The following MYO16 variants were observed in gnomAD, a reference collection of about 807,000 sequenced individuals.
MYO16 encodes unconventional myosin-XVI.
MYO16 carries 94 observed loss-of-function variants against 205.3 expected under a neutral mutation model. The observed-to-expected ratio is 0.46, with a 90% CI of 0.39 to 0.54. The LOEUF is 0.54. Ranked by LOEUF, MYO16 falls within the 20% of genes least tolerant of loss-of-function variation. The pLI is 0.00. For missense variants in MYO16, 2,315 were observed against 2,387.5 expected (o/e 0.97, Z 0.63); for synonymous variants, 988 against 954.0 (o/e 1.04, Z -0.66).
intron 9 of MYO16, among the ~76,000 whole-genome samples, chr13:108,838,455 G>GACCAGC (rs1187043899): frequency 6.6e-6 from 1 of 150,454 alleles, no homozygotes; most frequent in Non-Finnish European, 1.5e-5. Flanking sequence ...AGGAGTTTGA[G>GACCAGC]ACCAGCCTGG....
intron 1 of MYO16, among the ~76,000 whole-genome samples, chr13:108,649,687 A>T (rs1210880055): frequency 6.6e-6 from 1 of 152,232 alleles, no homozygotes; most frequent in Non-Finnish European, 1.5e-5. Flanking sequence ...TGGTATAATA[A>T]CAAACTTGTT....
chr13:108,753,370 C>CA (rs534466420), intron 4 of MYO16, among the ~76,000 whole-genome samples: 16 of 111,782 alleles, frequency 1.4e-4, no homozygotes, highest in African/African-American at 5.7e-4. Flanking sequence ...AACTCTGTGA[C>CA]AAAAAAAAAA....
intron 27 of MYO16, among the ~76,000 whole-genome samples, chr13:109,092,445 C>T (rs949825054): frequency 6.6e-6 from 1 of 152,112 alleles, no homozygotes; most frequent in African/African-American, 2.4e-5. Context: ...ATGGATGGAG[C>T]TGGAAGCCGT....
intron 31 of MYO16, among the ~76,000 whole-genome samples, chr13:109,129,461 G>C (rs157028): frequency 0.28 from 42,527 of 151,856 alleles, 6,359 homozygotes; most frequent in East Asian, 0.49. Flanking sequence ...ATTCTCCCCC[G>C]GTGCCACATA....
chr13:108,630,083 C>A (rs1879907542), intron 1 of MYO16, among the ~76,000 whole-genome samples: 1 of 149,992 alleles, frequency 6.7e-6, no homozygotes. Flanking sequence ...ATGCTAATAG[C>A]ACAGAGATCT....
At chr13:108,636,353 T>G (rs1452499251) in intron 1 of MYO16, among the ~76,000 whole-genome samples, 59 of 24,090 alleles carry the variant, frequency 2.4e-3, no homozygotes, top group African/African-American at 0.01. Flanking sequence ...TCCCTTTTTT[T>G]TTTTTTTTTT....
rs776116498 is a variant in MYO16 at position 108,724,314 on chromosome 13, C to T, written c.364-3126C>T. On this transcript the variant is annotated intron_variant, in intron 3 of 34. Transcript: ENST00000457511. ...TTGGCTTCTTATTCATTCCTTTTTGCCATGGCTAGTACTGCCAGTGGAATG... is the reference window on the plus strand; with the variant it reads ...TTGGCTTCTTATTCATTCCTTTTTGTCATGGCTAGTACTGCCAGTGGAATG... Among the ~76,000 whole-genome samples the T allele has an allele frequency of 3.5e-4, 53 of 152,132 alleles. 1 individual carries two copies. Among genetic ancestry groups the T allele is most frequent in the Admixed American group, 2.9e-3 (44 of 15,280 alleles).
the MYO16 span, among the ~76,000 whole-genome samples, chr13:108,520,010 T>C: frequency 3.9e-5 from 6 of 152,180 alleles, no homozygotes; most frequent in African/African-American, 1.4e-4. Context: ...GTTTACAAGA[T>C]AGCAACTTAC....
intron 20 of MYO16, among the ~76,000 whole-genome samples, chr13:108,988,477 C>G (rs1884713782): frequency 6.6e-6 from 1 of 151,816 alleles, no homozygotes; most frequent in African/African-American, 2.4e-5. Flanking sequence ...GATTCAGTAT[C>G]TATAAAATGT....
chr13:108,695,819 C>G (rs1883070909), intron 2 of MYO16, among the ~76,000 whole-genome samples: 1 of 152,062 alleles, frequency 6.6e-6, no homozygotes, highest in South Asian at 2.1e-4. Flanking sequence ...ATAACCACCA[C>G]TGAGGAAACA....
chr13:108,854,350 C>T (rs1878059268), intron 10 of MYO16, among the ~76,000 whole-genome samples: 1 of 152,010 alleles, frequency 6.6e-6, no homozygotes, highest in South Asian at 2.1e-4. Flanking sequence ...AATAAGCCCA[C>T]TTTATGAACT....
At chr13:108,639,718 C>A (rs1432787711) in intron 1 of MYO16, among the ~76,000 whole-genome samples, 1 of 152,196 alleles carries the variant, frequency 6.6e-6, no homozygotes, top group Non-Finnish European at 1.5e-5. Context: ...TGGGAGGGAG[C>A]AGTGGCACAG....
intron 9 of MYO16, among the ~76,000 whole-genome samples, chr13:108,827,168 A>T (rs1876318713): frequency 6.6e-6 from 1 of 152,222 alleles, no homozygotes. Context: ...GTATTCCGTC[A>T]TCTGAATCAT....
chr13:108,595,327 A>G (rs1400061826), upstream of MYO16, among the ~76,000 whole-genome samples: 2 of 152,152 alleles, frequency 1.3e-5, no homozygotes, highest in African/African-American at 2.4e-5. Context: ...ACAAAATTGA[A>G]TGGATTAATG....
chr13:108,657,702 G>A lies in MYO16; in HGVS notation c.29-8184G>A, dbSNP rs181804521. Reference sequence around the variant, plus strand: ...TTTGACTTGCATTCAGCAAAGTTCCGGACTATCACTCCTAATAGCTGACTC... The same window carrying A: ...TTTGACTTGCATTCAGCAAAGTTCCAGACTATCACTCCTAATAGCTGACTC... On this transcript the variant is annotated intron_variant, in intron 1 of 34. Transcript: ENST00000457511. Among the ~76,000 whole-genome samples the A allele has an allele frequency of 1.2e-3, 184 of 152,062 alleles. 1 individual carries two copies. In the South Asian group the frequency reaches 0.013, roughly 11 times the overall value.
chr13:109,021,795 T>C (rs1030305479), intron 23 of MYO16, among the ~76,000 whole-genome samples: 2 of 152,066 alleles, frequency 1.3e-5, no homozygotes, highest in Non-Finnish European at 2.9e-5. Flanking sequence ...GGCTTTGTCC[T>C]CTTAACACTG....
chr13:108,805,361 T>C (rs2138978469), intron 6 of MYO16, among the ~76,000 whole-genome samples: 1 of 152,280 alleles, frequency 6.6e-6, no homozygotes, highest in East Asian at 1.9e-4. Context: ...TTACACTCCG[T>C]AGATTGAAGA....
At chr13:108,861,708 T>C (rs1231673802) in intron 11 of MYO16, among the ~76,000 whole-genome samples, 1 of 152,198 alleles carries the variant, frequency 6.6e-6, no homozygotes, top group African/African-American at 2.4e-5. Flanking sequence ...ATTTAACAAA[T>C]GAAAATATTA....
intron 15 of MYO16, among the ~76,000 whole-genome samples, chr13:108,905,091 T>C (rs1243551990): frequency 6.6e-6 from 1 of 152,194 alleles, no homozygotes; most frequent in African/African-American, 2.4e-5. Context: ...ACCTGTTTTC[T>C]GGGAGCAACA....
Sources: allele counts gnomAD v4.1 joint callset (sites outside exome capture counted in the v4.1 genomes callset), GRCh38; gene constraint gnomAD v4.1.1; transcripts MANE v1.5; gene names NCBI Gene and HGNC (gene_info 2026-07-23, HGNC 2026-07-21).